ARPC2: variants seen among roughly 807,000 people sequenced by gnomAD.
ARPC2 encodes the protein actin related protein 2/3 complex subunit 2, also known as actin-related protein 2/3 complex subunit 2.
Under a neutral mutation model 38.6 loss-of-function variants are expected in ARPC2, and 4 were observed. The observed-to-expected ratio is 0.10, with a 90% CI of 0.05 to 0.24. ARPC2 has a LOEUF of 0.24. Among genes scored for constraint, ARPC2 ranks in the 10% least tolerant of loss-of-function variants. The pLI, the probability that ARPC2 is intolerant of heterozygous loss-of-function variation, is 1.00. For missense variants in ARPC2, 229 were observed against 387.3 expected (o/e 0.59, Z 3.43); for synonymous variants, 125 against 140.8 (o/e 0.89, Z 0.79).
intron 7 of ARPC2, among the ~76,000 whole-genome samples, chr2:218,241,903 G>A (rs1424024329): frequency 6.6e-6 from 1 of 152,190 alleles, no homozygotes; most frequent in Non-Finnish European, 1.5e-5. Flanking sequence ...AATGACAATC[G>A]GAAACTGGAC....
rs768816988 is a variant in ARPC2 at position 218,234,305 on chromosome 2, G to T, written c.223-47G>T. The T allele has an allele frequency of 2.8e-6, 4 of 1,409,744 alleles. No homozygotes were observed. The African/African-American group carries it at 5.8e-5, about 20-fold the overall frequency. The allele number at this position is 1,409,744 out of a possible 1,614,324, so 87.3% of individuals were successfully genotyped here. A position where few individuals can be genotyped will look rare whatever the true frequency, so the allele number is the denominator to read the frequency against. ...ACTTTAAAAATAATGAAATTATCAT[G>T]GCCTTTGGATTAACGTATTTGGTTT... On this transcript the variant is annotated intron_variant, in intron 4 of 10. Coordinates refer to ENST00000315717, the MANE Select transcript of ARPC2 (RefSeq NM_152862.3).
At chr2:218,223,123 C>A (rs1392784751) in intron 2 of ARPC2, among the ~76,000 whole-genome samples, 2 of 152,218 alleles carry the variant, frequency 1.3e-5, no homozygotes, top group Non-Finnish European at 2.9e-5. Flanking sequence ...TCTGCAGTTT[C>A]AGTTACCTGC....
intron 4 of ARPC2, among the ~76,000 whole-genome samples, chr2:218,232,596 C>G (rs971780617): frequency 6.9e-6 from 1 of 144,648 alleles, no homozygotes; most frequent in East Asian, 2.1e-4. Context: ...CTCTGTCACC[C>G]GGGCTGGAGT....
At chr2:218,224,636 C>T (rs1458602374) in intron 2 of ARPC2, among the ~76,000 whole-genome samples, 1 of 152,192 alleles carries the variant, frequency 6.6e-6, no homozygotes, top group Non-Finnish European at 1.5e-5. Flanking sequence ...CTCTCTGCTT[C>T]TCCGTAAACC....
At chr2:218,238,555 C>G (rs1689829221) in intron 5 of ARPC2, 109 bp from the exon 6 acceptor site, 2 of 807,046 alleles carry the variant, frequency 2.5e-6, no homozygotes, top group East Asian at 2.6e-5. Context: ...TTAGTTGCCT[C>G]TAGTCTCTGT....
intron 7 of ARPC2, among the ~76,000 whole-genome samples, chr2:218,242,662 G>C (rs1199470212): frequency 6.6e-6 from 1 of 152,172 alleles, no homozygotes; most frequent in Non-Finnish European, 1.5e-5. Flanking sequence ...TTGTAAACTT[G>C]TGGATTTCTC....
chr2:218,225,610 T>C (rs1176723615), intron 2 of ARPC2, among the ~76,000 whole-genome samples: 1 of 152,230 alleles, frequency 6.6e-6, no homozygotes, highest in Non-Finnish European at 1.5e-5. Context: ...TTGTGGTATA[T>C]AGCATGTTGT....
At chr2:218,250,447 GGGT>G (rs1326594951) in intron 10 of ARPC2, among the ~76,000 whole-genome samples, 1 of 152,066 alleles carries the variant, frequency 6.6e-6, no homozygotes, top group African/African-American at 2.4e-5. Context: ...GTGGATCACA[GGGT>G]CAGGAGTTCA....
chr2:218,237,002 A>G (rs1490222016), intron 5 of ARPC2, among the ~76,000 whole-genome samples: 2 of 152,170 alleles, frequency 1.3e-5, no homozygotes, highest in African/African-American at 2.4e-5. Context: ...ATTTGATTCT[A>G]TAATCAAGTG....
At position 218,228,722 on chromosome 2, in the gene ARPC2, T is replaced by C. The variant is rs1337274898; in HGVS notation, c.110-16T>C. 4.7e-6 allele frequency: 7 copies of C among 1,483,010 alleles called. No individual in the cohort carries two copies. The highest frequency in any genetic ancestry group is 4.2e-5 in the African/African-American group (3 of 72,052). 91.9% of individuals were successfully genotyped at this position (1,483,010 alleles called of 1,614,324 possible). A position where few individuals can be genotyped will look rare whatever the true frequency, so the allele number is the denominator to read the frequency against. Reference sequence around the variant, plus strand: ...ATTCCCAAATTGTTACGCAATCTTATTTGCTTTCCTCACAGATTTCGATGG... The same window carrying C: ...ATTCCCAAATTGTTACGCAATCTTACTTGCTTTCCTCACAGATTTCGATGG... On this transcript the variant is annotated splice_polypyrimidine_tract_variant and intron_variant, in intron 3 of 10. Transcript: ENST00000315717.
intron 2 of ARPC2, among the ~76,000 whole-genome samples, chr2:218,224,280 T>C (rs909627028): frequency 2.0e-5 from 3 of 152,132 alleles, no homozygotes; most frequent in African/African-American, 4.8e-5. Context: ...TTTGACAAAG[T>C]AGGAGAGTGA....
intron 8 of ARPC2, among the ~76,000 whole-genome samples, chr2:218,247,890 C>A (rs1269863365): frequency 1.3e-5 from 2 of 151,704 alleles, no homozygotes; most frequent in African/African-American, 4.8e-5. Context: ...TTGCAATAGG[C>A]CAAGATCACG....
intron 7 of ARPC2, 26 bp downstream of exon 7, chr2:218,239,510 A>T (rs1041758581): frequency 2.8e-5 from 45 of 1,578,994 alleles, no homozygotes; most frequent in Non-Finnish European, 3.2e-5. Flanking sequence ...CTTGGGGGAA[A>T]CCCATGCATG....
At chr2:218,244,804 AT>A (rs1208811086) in intron 7 of ARPC2, among the ~76,000 whole-genome samples, 1 of 152,228 alleles carries the variant, frequency 6.6e-6, no homozygotes, top group Non-Finnish European at 1.5e-5. Flanking sequence ...GGCCCACTTG[AT>A]GAATTTGGAT....
At chr2:218,240,568 T>A (rs1221847288) in intron 7 of ARPC2, among the ~76,000 whole-genome samples, 2 of 151,880 alleles carry the variant, frequency 1.3e-5, no homozygotes, top group Non-Finnish European at 2.9e-5. Context: ...CACCATAGAG[T>A]ACTTCCCTCA....
intron 7 of ARPC2, among the ~76,000 whole-genome samples, chr2:218,244,469 A>G (rs1689985552): frequency 6.6e-6 from 1 of 152,270 alleles, no homozygotes; most frequent in Non-Finnish European, 1.5e-5. Context: ...CATGTGCTGC[A>G]TAGCCTCTTT....
Position 218,232,681 on chromosome 2 carries a change from C to T in ARPC2, c.223-1671C>T, listed in dbSNP as rs535748216. 2.5e-3 allele frequency among the ~76,000 whole-genome samples: 377 copies of T among 151,802 alleles called. 3 individuals carry two copies. The highest frequency in any genetic ancestry group is 3.4e-3 in the Non-Finnish European group (229 of 67,898). ...GCCTCCCGGGTTCACGCCATTCTCCCGCCTCAGCCTCCCAAGTAGCTGGTA... is the reference window on the plus strand; with the variant it reads ...GCCTCCCGGGTTCACGCCATTCTCCTGCCTCAGCCTCCCAAGTAGCTGGTA... On this transcript the variant is annotated intron_variant, in intron 4 of 10. Transcript: ENST00000315717.
intron 3 of ARPC2, among the ~76,000 whole-genome samples, chr2:218,226,708 G>A (rs183391501): frequency 7.9e-4 from 118 of 148,528 alleles, no homozygotes; most frequent in Non-Finnish European, 1.6e-3. Context: ...TATAATAGAT[G>A]ACCATTTCAT....
intron 4 of ARPC2, among the ~76,000 whole-genome samples, chr2:218,231,461 C>G (rs1200314224): frequency 1.3e-5 from 2 of 152,176 alleles, no homozygotes; most frequent in Non-Finnish European, 2.9e-5. Flanking sequence ...ATCTGATTTC[C>G]CCTTCCTCGA....
Sources: allele counts gnomAD v4.1 joint callset (sites outside exome capture counted in the v4.1 genomes callset), GRCh38; gene constraint gnomAD v4.1.1; transcripts MANE v1.5; gene names NCBI Gene and HGNC (gene_info 2026-07-23, HGNC 2026-07-21).